The following AMMECR1 variants were observed in gnomAD, a reference collection of about 807,000 sequenced individuals.
AMMECR1 encodes AMMECR nuclear protein 1, also known as nuclear protein AMMECR1.
A neutral mutation model predicts 22.5 loss-of-function variants in AMMECR1; 3 were observed. The ratio of observed to expected loss-of-function variants is 0.13; its 90% CI spans 0.06 to 0.35. The LOEUF is 0.35. AMMECR1 is among the 10% of genes least tolerant of loss of function. AMMECR1 has a pLI of 1.00. For synonymous variants in AMMECR1, 130 were observed against 116.7 expected, an observed-to-expected ratio of 1.11 and a Z score of -0.74; for missense variants, 235 against 278.7, an observed-to-expected ratio of 0.84 and a Z score of 1.12.
At chrX:110,405,430 T>G (rs2068594795) in intron 2 of AMMECR1, among the ~76,000 whole-genome samples, 1 of 111,466 alleles carries the variant, frequency 9.0e-6, no homozygotes, top group African/African-American at 3.3e-5. Flanking sequence ...AGAAACACTT[T>G]GTTTACCTCA....
At chrX:110,363,398 G>A (rs2148252266) in intron 2 of AMMECR1, among the ~76,000 whole-genome samples, 1 of 111,903 alleles carries the variant, frequency 8.9e-6, no homozygotes, top group African/African-American at 3.2e-5. Flanking sequence ...ATTGCCCACT[G>A]TAGAAATGAG....
intron 2 of AMMECR1, among the ~76,000 whole-genome samples, chrX:110,261,160 T>C (rs867480991): frequency 5.4e-5 from 6 of 110,979 alleles, no homozygotes; most frequent in Admixed American, 9.6e-5. Flanking sequence ...GCCACAGGAC[T>C]ATACATTTAA....
At chrX:110,422,331 C>A (rs1380998119) in intron 2 of AMMECR1, among the ~76,000 whole-genome samples, 4 of 112,821 alleles carry the variant, frequency 3.5e-5, no homozygotes, top group African/African-American at 1.3e-4. Context: ...TTGCCATGTG[C>A]CACTCAGTGT....
chrX:110,344,270 C>A (rs1426143788), intron 2 of AMMECR1, among the ~76,000 whole-genome samples: 3 of 112,016 alleles, frequency 2.7e-5, no homozygotes, highest in Non-Finnish European at 5.6e-5. Context: ...ACAAATGGTG[C>A]TGGGAAAACT....
At chrX:110,295,492 T>C (rs1417317516) in intron 1 of AMMECR1, among the ~76,000 whole-genome samples, 1 of 111,708 alleles carries the variant, frequency 9.0e-6, no homozygotes, top group Non-Finnish European at 1.9e-5. Flanking sequence ...TGAGAATTAA[T>C]GATTATAAAT....
chrX:110,385,018 G>T (rs952586640), intron 2 of AMMECR1, among the ~76,000 whole-genome samples: 1 of 110,858 alleles, frequency 9.0e-6, no homozygotes, highest in Non-Finnish European at 1.9e-5. Flanking sequence ...CATAGTTCCA[G>T]CAGAATAATA....
chrX:110,217,886 T>C (rs1165697983), intron 2 of AMMECR1, among the ~76,000 whole-genome samples: 1 of 111,258 alleles, frequency 9.0e-6, no homozygotes, highest in African/African-American at 3.3e-5. Flanking sequence ...TTGCACCACA[T>C]TTTGGTGCTC....
intron 3 of AMMECR1, among the ~76,000 whole-genome samples, chrX:110,207,491 A>G: frequency 9.0e-6 from 1 of 111,527 alleles, no homozygotes; most frequent in Middle Eastern, 4.6e-3. Flanking sequence ...ATAGAAGCTG[A>G]TAAGGATTTG....
intron 2 of AMMECR1, among the ~76,000 whole-genome samples, chrX:110,222,831 G>T (rs867143814): frequency 9.0e-6 from 1 of 110,609 alleles, no homozygotes; most frequent in Non-Finnish European, 1.9e-5. Context: ...GGAGATAAAG[G>T]ATAACAGGTT....
chrX:110,394,235 G>A (rs968320517), intron 2 of AMMECR1, among the ~76,000 whole-genome samples: 2 of 112,122 alleles, frequency 1.8e-5, no homozygotes, highest in African/African-American at 6.5e-5. Flanking sequence ...GTGTTTGGGT[G>A]GTTTTTGTTT....
chrX:110,339,973 TAC>T (rs35459612), intron 2 of AMMECR1, among the ~76,000 whole-genome samples: 6,733 of 78,474 alleles, frequency 0.086, 254 homozygotes, highest in African/African-American at 0.14. Context: ...AGGCAAAACA[TAC>T]ACACACACAC....
At chrX:110,439,554 C>G (rs574870068) in intron 1 of AMMECR1, among the ~76,000 whole-genome samples, 1 of 112,014 alleles carries the variant, frequency 8.9e-6, no homozygotes, top group African/African-American at 3.3e-5. Context: ...TTAAGACATT[C>G]AAATGCCAAG....
In AMMECR1 at chrX:110,202,713, C is replaced by T. The variant is rs147977840; in HGVS notation, c.700-177G>A. Reference sequence around the variant, plus strand: ...GATTTGAAGGCCATTATGATGGCCACGGAGAGGGAAAATATTGATTTGCAT... The same window carrying T: ...GATTTGAAGGCCATTATGATGGCCATGGAGAGGGAAAATATTGATTTGCAT... On this transcript the variant is annotated intron_variant, in intron 3 of 5. Transcript: ENST00000262844. 5.0e-3 allele frequency among the ~76,000 whole-genome samples: 556 copies of T among 111,575 alleles called. 2 individuals are homozygous for T. Among genetic ancestry groups the T allele is most frequent in the African/African-American group, 0.016 (500 of 30,752 alleles).
At chrX:110,405,119 T>C (rs1308201281) in intron 2 of AMMECR1, among the ~76,000 whole-genome samples, 2 of 94,589 alleles carry the variant, frequency 2.1e-5, no homozygotes, top group African/African-American at 7.8e-5. Context: ...AGTCAGAGCC[T>C]TTCATGGGGT....
intron 2 of AMMECR1, among the ~76,000 whole-genome samples, chrX:110,342,418 T>A (rs775667899): frequency 9.0e-6 from 1 of 111,250 alleles, no homozygotes; most frequent in East Asian, 2.9e-4. Context: ...TCACCCAGGC[T>A]GGAGTGCAGT....
chrX:110,197,925 G>A lies in AMMECR1; in HGVS notation c.*595C>T. ...CACCATGGGAAAAACATATACTTAA[G>A]GAGTGAAGACCCAACTACTAGGCTG... On this transcript the variant is annotated 3_prime_UTR_variant, in exon 6 of 6. Coordinates refer to ENST00000262844, the MANE Select transcript of AMMECR1 (RefSeq NM_015365.3). 1 of 111,824 alleles carries A rather than the reference G, an allele frequency of 8.9e-6. No homozygotes were observed. The highest frequency in any genetic ancestry group is 2.8e-4 in the East Asian group (1 of 3,589). 9.2% of individuals were successfully genotyped at this position (111,824 alleles called of 1,213,427 possible). A position where few individuals can be genotyped will look rare whatever the true frequency, so the allele number is the denominator to read the frequency against.
chrX:110,390,077 T>C (rs943151766), intron 2 of AMMECR1, among the ~76,000 whole-genome samples: 4 of 111,652 alleles, frequency 3.6e-5, no homozygotes, highest in Non-Finnish European at 7.5e-5. Flanking sequence ...TGGAGAAACA[T>C]TGCAAGTTGT....
intron 1 of AMMECR1, among the ~76,000 whole-genome samples, chrX:110,436,771 T>C (rs1315300338): frequency 9.0e-6 from 1 of 111,714 alleles, no homozygotes; most frequent in Non-Finnish European, 1.9e-5. Context: ...GGGAGTCCCC[T>C]GAGGGAGGTA....
intron 1 of AMMECR1, among the ~76,000 whole-genome samples, chrX:110,285,547 ATATCT>A (rs1417621453): frequency 8.9e-6 from 1 of 112,220 alleles, no homozygotes; most frequent in East Asian, 2.8e-4. Context: ...TACACAACTA[ATATCT>A]TATTGGAATG....
Sources: gnomAD v4.1 joint callset for allele counts (sites outside exome capture counted in the v4.1 genomes callset) on GRCh38, gnomAD v4.1.1 for gene constraint, MANE v1.5 for transcripts, NCBI Gene and HGNC (gene_info 2026-07-23, HGNC 2026-07-21) for gene names.